Variants in CLCN6 observed in about 807,000 individuals in gnomAD.
CLCN6 encodes Cl-/H+ antiporter 6, also known as H(+)/Cl(-) exchange transporter 6.
In CLCN6, 70 loss-of-function variants were observed where a neutral mutation model predicts 109.8. That is an observed-to-expected ratio of 0.64 (90% CI 0.53 to 0.78). The LOEUF (loss-of-function observed/expected upper bound fraction) is 0.78. Among genes scored for constraint, CLCN6 ranks in the 30% least tolerant of loss-of-function variants. The pLI is 0.00. For synonymous variants in CLCN6, 444 were observed against 447.8 expected (o/e 0.99, Z 0.11); for missense variants, 984 against 1,142.3 (o/e 0.86, Z 2.00).
At chr1:11,836,187 A>G (rs1644947532) in intron 18 of CLCN6, 34 bp downstream of exon 18, 1 of 1,591,012 alleles carries the variant, frequency 6.3e-7, no homozygotes, top group Non-Finnish European at 8.6e-7. Context: ...AAGGCAGGTG[A>G]GAGACAAGCG....
In CLCN6 at chr1:11,834,699, A is replaced by G; in HGVS notation, c.1793+109A>G. 1.1e-6 allele frequency: 1 copy of G among 924,852 alleles called. No homozygotes were observed. Among genetic ancestry groups the G allele is most frequent in the East Asian group, 2.4e-5 (1 of 41,298 alleles). 57.3% of individuals were successfully genotyped at this position (924,852 alleles called of 1,614,324 possible). ...CAGTAACTCACTTTTCTTGGGCTGA[A>G]AGAAGCAACACACCCATTCCTGAGC... On this transcript the variant is annotated intron_variant, in intron 17 of 22. Transcript: ENST00000346436. This position sits in a 1 kb window ranked among gnomAD's most constrained non-coding sequence, Gnocchi z 4.5.
rs184946763 is a variant in CLCN6, at chr1:11,816,800, C to T, written c.279+120C>T. ...TTATAACATTTATAACATTATAATG[C>T]AATAACACTTGTCATTATAATCAAG... On this transcript the variant is annotated intron_variant, in intron 4 of 22. Transcript: ENST00000346436. 6 of 615,290 alleles carry T rather than the reference C, an allele frequency of 9.8e-6. No individual in the cohort carries two copies. The East Asian group carries it at 1.7e-4, about 18-fold the overall frequency. 38.1% of individuals were successfully genotyped at this position (615,290 alleles called of 1,614,324 possible). A position where few individuals can be genotyped will look rare whatever the true frequency, so the allele number is the denominator to read the frequency against.
At chr1:11,826,024 G>T in intron 8 of CLCN6, 132 bp from the exon 9 acceptor site, 1 of 641,678 alleles carries the variant, frequency 1.6e-6, no homozygotes. Context: ...CTGATGCCGT[G>T]GATTCCCATA....
Position 11,828,554 on chromosome 1 carries a change from T to A in CLCN6, c.1051T>A (p.Phe351Ile), listed in dbSNP as rs1471305744. 3 of 1,614,176 alleles carry A rather than the reference T, an allele frequency of 1.9e-6. No individual in the cohort carries two copies. The highest frequency in any genetic ancestry group is 2.5e-6 in the Non-Finnish European group (3 of 1,180,032). The change falls in exon 12 of 23, where the codon TTC becomes ATC. Residue 351 changes from phenylalanine (F) to isoleucine (I), a missense_variant. By Grantham distance (21) the Phe-to-Ile change is conservative. Transcript: ENST00000346436. ...GVIGGLLGATFNCLNKRLAKY... is the reference protein window; with the variant it reads ...GVIGGLLGATINCLNKRLAKY... ...CATTGGGGGCCTCCTGGGAGCCACA[T>A]TCAACTGTCTGAACAAGAGGCTTGC...
At chr1:11,819,295 G>A (rs921714286) in intron 4 of CLCN6, among the ~76,000 whole-genome samples, 193 bp from the exon 5 acceptor site, 4 of 151,828 alleles carry the variant, frequency 2.6e-5, no homozygotes, top group Admixed American at 6.6e-5. Flanking sequence ...TCTTTGGAGG[G>A]GCAGTGGGAC....
At chr1:11,838,911 TTCC>T (rs1363779111) in intron 22 of CLCN6, 4 of 719,996 alleles carry the variant, frequency 5.6e-6, no homozygotes, top group Non-Finnish European at 1.0e-5. Context: ...AGGCTGTGTC[TTCC>T]TCCTGAAATG....
intron 4 of CLCN6, among the ~76,000 whole-genome samples, chr1:11,817,641 G>T (rs892046768): frequency 1.3e-5 from 2 of 152,230 alleles, no homozygotes; most frequent in African/African-American, 4.8e-5. Context: ...TGTCAAATCT[G>T]ATTCCGGTCA....
Position 11,826,151 on chromosome 1 carries a change from T to C in CLCN6, c.649-5T>C, listed in dbSNP as rs1290218752. ...CTTTAGTGGCTCTCTTTTCTCTTGCTTTAGTTTCAGAGCATCTCCTTACGG... is the reference window on the plus strand; with the variant it reads ...CTTTAGTGGCTCTCTTTTCTCTTGCCTTAGTTTCAGAGCATCTCCTTACGG... On this transcript the variant is annotated splice_region_variant and splice_polypyrimidine_tract_variant and intron_variant, in intron 8 of 22. Transcript: ENST00000346436. 6.2e-7 allele frequency: 1 copy of C among 1,611,918 alleles called. No homozygotes were observed. Among genetic ancestry groups the C allele is most frequent in the Admixed American group, 1.7e-5 (1 of 59,920 alleles).
intron 6 of CLCN6, among the ~76,000 whole-genome samples, chr1:11,823,338 G>A (rs774923896): frequency 2.0e-4 from 31 of 151,908 alleles, no homozygotes; most frequent in Admixed American, 1.3e-4. Flanking sequence ...TTAGCCGGGC[G>A]TGGTGGCGCA....
chr1:11,842,291 G>A lies in CLCN6; in HGVS notation c.*2068G>A, dbSNP rs1645034687. 6.6e-6 allele frequency: 1 copy of A among 152,594 alleles called. No homozygotes were observed. Among genetic ancestry groups the A allele is most frequent in the Non-Finnish European group, 1.5e-5 (1 of 68,040 alleles). The allele number at this position is 152,594 out of a possible 1,614,324, so 9.5% of individuals were successfully genotyped here. A position where few individuals can be genotyped will look rare whatever the true frequency, so the allele number is the denominator to read the frequency against. On this transcript the variant is annotated 3_prime_UTR_variant, in exon 23 of 23. Coordinates refer to ENST00000346436, the MANE Select transcript of CLCN6 (RefSeq NM_001286.5). ...TTGTGTTTAAGTCACCAGATATTTT[G>A]TTCCCATCAGTTTAGCCCAGAGATA... is the stretch of plus-strand genomic sequence containing the variant.
chr1:11,812,740 G>A (rs1386878905), intron 2 of CLCN6, among the ~76,000 whole-genome samples: 2 of 147,100 alleles, frequency 1.4e-5, no homozygotes, highest in South Asian at 4.4e-4. Flanking sequence ...ATGATACCTG[G>A]AAATATGGTG....
intron 1 of CLCN6, chr1:11,806,576 A>G (rs943079200): frequency 2.1e-6 from 1 of 467,394 alleles, no homozygotes; most frequent in Non-Finnish European, 3.7e-6. Flanking sequence ...GGCCAGCTCC[A>G]GTAAATCCCA....
intron 2 of CLCN6, among the ~76,000 whole-genome samples, chr1:11,814,348 C>A (rs1237486509): frequency 1.3e-5 from 2 of 150,796 alleles, no homozygotes; most frequent in African/African-American, 2.4e-5. Flanking sequence ...CTCCTAGGTT[C>A]AAGCAGCTCT....
In CLCN6 at chr1:11,819,422, C is replaced by T. The variant is rs935969732; in HGVS notation, c.280-66C>T. The T allele has an allele frequency of 3.5e-6, 5 of 1,445,748 alleles. No homozygotes were observed. The Admixed American group carries it at 6.7e-5, about 19-fold the overall frequency. 89.6% of individuals were successfully genotyped at this position (1,445,748 alleles called of 1,614,324 possible). On this transcript the variant is annotated intron_variant, in intron 4 of 22. Transcript: ENST00000346436. ...GGAGGAGATGCCTTCAAGAGGAGCA[C>T]ACCTGTACTATACTTGTGCTACACT... is the stretch of plus-strand genomic sequence containing the variant.
rs149322151 is a variant in CLCN6 at position 11,838,374 on chromosome 1, G to A, written c.2335G>A (p.Glu779Lys). The change falls in exon 21 of 23, where the codon GAG becomes AAG. Residue 779 changes from glutamate to lysine, a missense_variant. Coordinates refer to ENST00000346436, the MANE Select transcript of CLCN6 (RefSeq NM_001286.5). ...QPRLSYAEMA[E>K]DYPRYPDIHD... ...GCGCCTCTCCTATGCCGAGATGGCC[G>A]AGGACTACCCGCGGTACCCCGACAT... 5.6e-6 allele frequency: 9 copies of A among 1,613,310 alleles called. No individual in the cohort carries two copies. The highest frequency in any genetic ancestry group is 3.3e-5 in the Admixed American group (2 of 59,912).
At chr1:11,808,213 ATGTGTGTGTGTGTTTGTGTGTGTGTG>A (rs1451284681) in intron 2 of CLCN6, among the ~76,000 whole-genome samples, 1 of 123,446 alleles carries the variant, frequency 8.1e-6, no homozygotes, top group East Asian at 2.3e-4. Flanking sequence ...TTTTTATTGT[ATGTGTGTGTGTGTTTGTGTGTGTGTG>A]TGTGTGTGTG....
intron 20 of CLCN6, among the ~76,000 whole-genome samples, chr1:11,837,765 A>G (rs540366133): frequency 6.6e-6 from 1 of 152,134 alleles, no homozygotes; most frequent in South Asian, 2.1e-4. Context: ...GCCCCTTCCT[A>G]GCTCATGGGA....
chr1:11,808,227 TTGTGTGTGTGTGTGTGTGTGTG>T (rs3073085), intron 2 of CLCN6, among the ~76,000 whole-genome samples: 2 of 139,160 alleles, frequency 1.4e-5, no homozygotes, highest in African/African-American at 2.7e-5. Context: ...GTGTGTGTGT[TTGTGTGTGTGTGTGTGTGTGTG>T]TGTGTGTGTG....
chr1:11,823,837 A>C lies in CLCN6; in HGVS notation c.580+4A>C. On this transcript the variant is annotated splice_donor_region_variant and intron_variant, in intron 7 of 22. Coordinates refer to ENST00000346436, the MANE Select transcript of CLCN6 (RefSeq NM_001286.5). ...GTGCTGTTCAGTGTGGCTGGAGGTA[A>C]GAAGGGTCCAACTTGTATCCTTCAA... The C allele has an allele frequency of 6.2e-7, 1 of 1,614,184 alleles. No homozygotes were observed. Among genetic ancestry groups the C allele is most frequent in the Non-Finnish European group, 8.5e-7 (1 of 1,180,014 alleles).
Sources: allele counts gnomAD v4.1 joint callset (sites outside exome capture counted in the v4.1 genomes callset), GRCh38; gene constraint gnomAD v4.1.1; non-coding constraint Gnocchi (gnomAD v3.1); transcripts MANE v1.5; gene names NCBI Gene and HGNC (gene_info 2026-07-23, HGNC 2026-07-21).